The following ZNF74 variants were observed in gnomAD, a reference collection of about 807,000 sequenced individuals.
ZNF74 encodes zinc finger protein 520.
In ZNF74, 12 loss-of-function variants were observed where a neutral mutation model predicts 17.7. The ratio of observed to expected loss-of-function variants is 0.68; its 90% CI spans 0.43 to 1.10. The LOEUF (loss-of-function observed/expected upper bound fraction) is 1.10. ZNF74 is among the 50% of genes least tolerant of loss of function. The pLI, the probability that ZNF74 is intolerant of heterozygous loss-of-function variation, is 0.00. For synonymous variants in ZNF74, 358 were observed against 362.1 expected (o/e 0.99, Z 0.13); for missense variants, 811 against 881.0 (o/e 0.92, Z 1.01).
chr22:20,395,378 A>C lies in ZNF74; in HGVS notation c.80A>C (p.Glu27Ala). 6.2e-7 allele frequency: 1 copy of C among 1,606,488 alleles called. No homozygotes were observed. Among genetic ancestry groups the C allele is most frequent in the African/African-American group, 1.3e-5 (1 of 74,850 alleles). ...GCTCTTTCCCTGAAAGAGAATCTCG[A>C]GGATATATCGGGTTGGGGTCTTCCC... is the stretch of plus-strand genomic sequence containing the variant. ...DPALSLKENL[E>A]DISGWGLPEA... The change falls in exon 2 of 5, where the codon GAG (glutamate) becomes GCG (alanine). Residue 27 changes from glutamate (E) to alanine (A), a missense_variant. Transcript: ENST00000400451.
chr22:20,401,424 C>A lies in ZNF74; in HGVS notation c.343+52C>A. ...GCCAGCCCCAGCACCCCTGGTGGCA[C>A]CTCCTCCTATGGCCCCTATTTTCCT... On this transcript the variant is annotated intron_variant, in intron 4 of 4. Transcript: ENST00000400451. The surrounding 1 kb of genome is among the most constrained non-coding windows in gnomAD (Gnocchi z 4.2). The A allele has an allele frequency of 1.6e-6, 2 of 1,232,962 alleles. No homozygotes were observed. The highest frequency in any genetic ancestry group is 2.3e-6 in the Non-Finnish European group (2 of 859,726). 76.4% of individuals were successfully genotyped at this position (1,232,962 alleles called of 1,614,324 possible). A position where few individuals can be genotyped will look rare whatever the true frequency, so the allele number is the denominator to read the frequency against.
chr22:20,406,416 G>A lies in ZNF74; in HGVS notation c.1383G>A (p.Val461=), dbSNP rs1569097118. The A allele has an allele frequency of 6.2e-7, 1 of 1,613,540 alleles. No individual in the cohort carries two copies. The highest frequency in any genetic ancestry group is 8.5e-7 in the Non-Finnish European group (1 of 1,179,918). Residue 461 remains valine, a synonymous_variant, in exon 5 of 5, where the codon GTG becomes GTA. Coordinates refer to ENST00000400451, the MANE Select transcript of ZNF74 (RefSeq NM_003426.4). Reference sequence around the variant, plus strand: ...TCAGCTGCCACGCGTACCTGCTCGTGCACCGGCGCATCCACAGCGGCGAGA... The same window carrying A: ...TCAGCTGCCACGCGTACCTGCTCGTACACCGGCGCATCCACAGCGGCGAGA... ...KGFSCHAYLL[V]HRRIHSGEKP...
chr22:20,403,658 C>T (rs1378450383), intron 4 of ZNF74, among the ~76,000 whole-genome samples: 4 of 152,118 alleles, frequency 2.6e-5, no homozygotes, highest in Non-Finnish European at 5.9e-5. Context: ...AATCCCAGCA[C>T]TTTGGGAGGC....
In ZNF74 at chr22:20,401,084, C is replaced by T. The variant is rs901738058; in HGVS notation, c.248-193C>T. On this transcript the variant is annotated intron_variant, in intron 3 of 4. Coordinates refer to ENST00000400451, the MANE Select transcript of ZNF74 (RefSeq NM_003426.4). The surrounding 1 kb of genome is among the most constrained non-coding windows in gnomAD (Gnocchi z 4.2). ...GCAATGAAGTAAGGACGTCAGCACA[C>T]GTGGGGTCTTCAGAGTATACACTGG... is the stretch of plus-strand genomic sequence containing the variant. The T allele has an allele frequency of 3.3e-6, 2 of 598,478 alleles. No homozygotes were observed. Among genetic ancestry groups the T allele is most frequent in the Non-Finnish European group, 6.0e-6 (2 of 336,106 alleles). 37.1% of individuals were successfully genotyped at this position (598,478 alleles called of 1,614,324 possible). A position where few individuals can be genotyped will look rare whatever the true frequency, so the allele number is the denominator to read the frequency against.
At position 20,406,298 on chromosome 22, in the gene ZNF74, A is replaced by G. The variant is rs1350861078; in HGVS notation, c.1265A>G (p.Glu422Gly). The change falls in exon 5 of 5, where the codon GAG (glutamate) becomes GGG (glycine). Residue 422 changes from glutamate (E) to glycine (G), a missense_variant. By Grantham distance (98) the Glu-to-Gly change is moderately conservative. Transcript: ENST00000400451. ...AAGCCGTTCAAGTGCAGCGACTGCG[A>G]GAAGGCCTTCAACAGCCGCTCGCGC... Reference protein sequence around the residue: ...GDKPFKCSDCEKAFNSRSRLT... With the variant: ...GDKPFKCSDCGKAFNSRSRLT... 1.2e-6 allele frequency: 2 copies of G among 1,610,650 alleles called. No individual in the cohort carries two copies. Among genetic ancestry groups the G allele is most frequent in the East Asian group, 2.2e-5 (1 of 44,722 alleles).
Position 20,406,634 on chromosome 22 carries a change from G to T in ZNF74, c.1601G>T (p.Gly534Val), listed in dbSNP as rs766853911. Reference sequence around the variant, plus strand: ...AAGCCCTACAAGTGCAGCGAGTGCGGCAGAGCCTTCAGCCAGAACCACTGT... The same window carrying T: ...AAGCCCTACAAGTGCAGCGAGTGCGTCAGAGCCTTCAGCCAGAACCACTGT... ...GEKPYKCSEC[G>V]RAFSQNHCLI... is the part of the protein sequence containing the mutation. Residue 534 changes from glycine (G) to valine (V), a missense_variant, in exon 5 of 5, where the codon GGC becomes GTC. By Grantham distance (109) the Gly-to-Val change is moderately radical. This residue lies in a region of ZNF74 where 30 missense variants were observed against 59.2 expected (regional missense o/e 0.51). Coordinates refer to ENST00000400451, the MANE Select transcript of ZNF74 (RefSeq NM_003426.4). 6.2e-7 allele frequency: 1 copy of T among 1,614,252 alleles called. No homozygotes were observed. Among genetic ancestry groups the T allele is most frequent in the Admixed American group, 1.7e-5 (1 of 60,034 alleles).
At chr22:20,398,478 A>G (rs2146092035) in intron 2 of ZNF74, among the ~76,000 whole-genome samples, 1 of 152,186 alleles carries the variant, frequency 6.6e-6, no homozygotes, top group East Asian at 1.9e-4. Flanking sequence ...CATTTAGGTT[A>G]CTCATAGGCT....
Position 20,394,229 on chromosome 22 carries a change from G to T in ZNF74, c.-400G>T. On this transcript the variant is annotated 5_prime_UTR_variant, in exon 1 of 5. Coordinates refer to ENST00000400451, the MANE Select transcript of ZNF74 (RefSeq NM_003426.4). Reference sequence around the variant, plus strand: ...GGTCTGTCCACTTGCCGGTCCCTCAGACCGTCGGCGGTCTCTGTCCGCTTC... The same window carrying T: ...GGTCTGTCCACTTGCCGGTCCCTCATACCGTCGGCGGTCTCTGTCCGCTTC... The T allele has an allele frequency of 1.4e-6, 1 of 700,914 alleles. No homozygotes were observed. The highest frequency in any genetic ancestry group is 2.0e-5 in the Admixed American group (1 of 49,528). The allele number at this position is 700,914 out of a possible 1,614,324, so 43.4% of individuals were successfully genotyped here.
chr22:20,405,319 C>G (rs2052401149), intron 4 of ZNF74, 58 bp from the exon 5 acceptor site: 1 of 1,521,906 alleles, frequency 6.6e-7, no homozygotes, highest in Non-Finnish European at 8.9e-7. Context: ...ATTCTCAAAT[C>G]TGAATTCTAG....
At chr22:20,400,917 G>A in intron 3 of ZNF74, 159 bp downstream of exon 3, 1 of 867,520 alleles carries the variant, frequency 1.2e-6, no homozygotes, top group Non-Finnish European at 1.8e-6. Context: ...AGGGGCCTCG[G>A]CCACGCCAGA....
At chr22:20,394,705 C>G in intron 1 of ZNF74, 43 bp downstream of exon 1, 1 of 1,601,678 alleles carries the variant, frequency 6.2e-7, no homozygotes, top group South Asian at 1.1e-5. Context: ...TGGATTTGCA[C>G]TTGAGGATAT....
intron 4 of ZNF74, among the ~76,000 whole-genome samples, chr22:20,404,622 T>A (rs970127847): frequency 1.3e-5 from 2 of 152,144 alleles, no homozygotes; most frequent in East Asian, 3.9e-4. Flanking sequence ...GCCCAGCCTC[T>A]TGTAGCTTTT....
chr22:20,395,668 A>C (rs1022308654), intron 2 of ZNF74, among the ~76,000 whole-genome samples: 13 of 152,174 alleles, frequency 8.5e-5, no homozygotes, highest in Admixed American at 2.6e-4. Context: ...CTCTCTGCCC[A>C]GCGCTGTGCT....
At position 20,401,173 on chromosome 22, in the gene ZNF74, G is replaced by A. The variant is rs1569093223; in HGVS notation, c.248-104G>A. On this transcript the variant is annotated intron_variant, in intron 3 of 4. Transcript: ENST00000400451. The surrounding 1 kb of genome is among the most constrained non-coding windows in gnomAD (Gnocchi z 4.2). ...CCAGAGGACCTCCTGTTCCCAGAGA[G>A]GGTGTCCACTTCACAGGCATTGTCC... 1.4e-6 allele frequency: 1 copy of A among 722,366 alleles called. No individual in the cohort carries two copies. The highest frequency in any genetic ancestry group is 2.7e-5 in the East Asian group (1 of 36,818). The allele number at this position is 722,366 out of a possible 1,614,324, so 44.7% of individuals were successfully genotyped here. A position where few individuals can be genotyped will look rare whatever the true frequency, so the allele number is the denominator to read the frequency against.
Position 20,394,514 on chromosome 22 carries a change from G to A in ZNF74, c.-115G>A. 1 of 1,131,254 alleles carries A rather than the reference G, an allele frequency of 8.8e-7. No homozygotes were observed. Among genetic ancestry groups the A allele is most frequent in the South Asian group, 1.4e-5 (1 of 73,560 alleles). 70.1% of individuals were successfully genotyped at this position (1,131,254 alleles called of 1,614,324 possible). A position where few individuals can be genotyped will look rare whatever the true frequency, so the allele number is the denominator to read the frequency against. ...GCTGTGAGCGCGTGGCCGCCCCGCGGGGCTCCGCTGCAGGCCCCTCAGCCC... is the reference window on the plus strand; with the variant it reads ...GCTGTGAGCGCGTGGCCGCCCCGCGAGGCTCCGCTGCAGGCCCCTCAGCCC... On this transcript the variant is annotated 5_prime_UTR_variant, in exon 1 of 5. Transcript: ENST00000400451.
chr22:20,400,339 GCCATGTACA>G, intron 2 of ZNF74: 1 of 402,534 alleles, frequency 2.5e-6, no homozygotes, highest in Non-Finnish European at 4.6e-6. Flanking sequence ...TGATACAACA[GCCATGTACA>G]GCCCCTGGGT....
chr22:20,395,005 G>T, intron 1 of ZNF74: 1 of 439,008 alleles, frequency 2.3e-6, no homozygotes, highest in Non-Finnish European at 4.1e-6. Flanking sequence ...CGCCCGCCTC[G>T]GCCTCCCAAA....
chr22:20,401,079 G>A lies in ZNF74; in HGVS notation c.248-198G>A. On this transcript the variant is annotated intron_variant, in intron 3 of 4. Transcript: ENST00000400451. The surrounding 1 kb of genome is among the most constrained non-coding windows in gnomAD (Gnocchi z 4.2). ...CTCAAGCAATGAAGTAAGGACGTCA[G>A]CACACGTGGGGTCTTCAGAGTATAC... 1 of 596,196 alleles carries A rather than the reference G, an allele frequency of 1.7e-6. No homozygotes were observed. The highest frequency in any genetic ancestry group is 3.0e-6 in the Non-Finnish European group (1 of 335,192). 36.9% of individuals were successfully genotyped at this position (596,196 alleles called of 1,614,324 possible).
At position 20,406,119 on chromosome 22, in the gene ZNF74, C is replaced by A; in HGVS notation, c.1086C>A (p.Cys362Ter). ...ACACCGGCGAGAAGCCCTACCGGTG[C>A]GGCGAGTGCGGCAAGGCCTTCAACC... is the stretch of plus-strand genomic sequence containing the variant. Reference protein sequence around the residue: ...RVHTGEKPYRCGECGKAFNQR... With the variant: ...RVHTGEKPYR Residue 362 changes from cysteine to a stop codon, truncating the protein, a stop_gained, in exon 5 of 5, where the codon TGC (cysteine) becomes TGA (stop). Transcript: ENST00000400451. LOFTEE classifies it low-confidence loss of function (END_TRUNC). 1 of 1,613,574 alleles carries A rather than the reference C, an allele frequency of 6.2e-7. No homozygotes were observed.
Sources: allele counts gnomAD v4.1 joint callset (sites outside exome capture counted in the v4.1 genomes callset), GRCh38; gene constraint gnomAD v4.1.1; regional missense constraint gnomAD v4.1.1; non-coding constraint Gnocchi (gnomAD v3.1); transcripts MANE v1.5; gene names NCBI Gene and HGNC (gene_info 2026-07-23, HGNC 2026-07-21).